The following RPGRIP1L variants were observed in gnomAD, a reference collection of about 807,000 sequenced individuals.
RPGRIP1L encodes the protein protein fantom.
RPGRIP1L carries 131 observed loss-of-function variants against 160.4 expected under a neutral mutation model. That is an observed-to-expected ratio of 0.82 (90% CI 0.71 to 0.94). The LOEUF is 0.94. Among genes scored for constraint, RPGRIP1L ranks in the 40% least tolerant of loss-of-function variants. The pLI, the probability that RPGRIP1L is intolerant of heterozygous loss-of-function variation, is 0.00. For synonymous variants in RPGRIP1L, 510 were observed against 515.8 expected, an observed-to-expected ratio of 0.99 and a Z score of 0.15; for missense variants, 1,522 against 1,535.8, an observed-to-expected ratio of 0.99 and a Z score of 0.15.
intron 22 of RPGRIP1L, chr16:53,635,345 T>A (rs1965776032): frequency 6.6e-6 from 1 of 152,114 alleles, no homozygotes; most frequent in Admixed American, 6.6e-5. Context: ...ATGATAAAAC[T>A]TTGGACAGAT....
chr16:53,681,960 C>G (rs992082233), intron 6 of RPGRIP1L, among the ~76,000 whole-genome samples: 1 of 152,092 alleles, frequency 6.6e-6, no homozygotes, highest in Non-Finnish European at 1.5e-5. Flanking sequence ...TGATTTTTCT[C>G]TACAGTAAAT....
intron 2 of RPGRIP1L, among the ~76,000 whole-genome samples, chr16:53,698,479 TC>T (rs1244632056): frequency 3.0e-5 from 4 of 134,602 alleles, no homozygotes; most frequent in African/African-American, 2.9e-5. Context: ...AGCCGCCCCG[TC>T]CAGGAGGGAG....
At chr16:53,659,148 T>C (rs1967544445) in intron 10 of RPGRIP1L, 3 of 830,574 alleles carry the variant, frequency 3.6e-6, no homozygotes, top group Non-Finnish European at 4.6e-6. Context: ...CCTCTGGGAC[T>C]TCAAAGGAAT....
intron 24 of RPGRIP1L, among the ~76,000 whole-genome samples, chr16:53,611,577 T>G (rs1217370057): frequency 2.0e-5 from 3 of 152,184 alleles, no homozygotes; most frequent in Admixed American, 1.3e-4. Context: ...GAGAGAAACG[T>G]GCAGGGAGAG....
intron 6 of RPGRIP1L, among the ~76,000 whole-genome samples, chr16:53,684,692 G>A (rs1969864509): frequency 2.6e-5 from 4 of 151,376 alleles, no homozygotes; most frequent in Admixed American, 2.6e-4. Flanking sequence ...TGTATACAAT[G>A]TAACAAACCT....
chr16:53,645,346 A>G (rs867606614), intron 17 of RPGRIP1L, among the ~76,000 whole-genome samples: 3 of 152,078 alleles, frequency 2.0e-5, no homozygotes, highest in Non-Finnish European at 4.4e-5. Context: ...GAATGAAATT[A>G]TATTAGATTT....
intron 7 of RPGRIP1L, 127 bp downstream of exon 7, chr16:53,674,890 C>A: frequency 1.5e-6 from 1 of 655,356 alleles, no homozygotes; most frequent in Non-Finnish European, 2.7e-6. Context: ...TTTGTGAATA[C>A]AAAGAACAAT....
Position 53,658,410 on chromosome 16 carries a change from T to C in RPGRIP1L, c.1401+4A>G, listed in dbSNP as rs727503880. 53 of 1,606,764 alleles carry C rather than the reference T, an allele frequency of 3.3e-5. No individual in the cohort carries two copies. The highest frequency in any genetic ancestry group is 4.4e-5 in the Non-Finnish European group (52 of 1,173,604). ...GAAAATCACGATGAAGTTCAGAACC[T>C]TACCTTTATAAGTAGGAGAGCTTCA... On this transcript the variant is annotated splice_donor_region_variant and intron_variant, in intron 12 of 26. Coordinates refer to ENST00000647211, the MANE Select transcript of RPGRIP1L (RefSeq NM_015272.5).
chr16:53,607,267 C>T (rs2150925378), intron 25 of RPGRIP1L, among the ~76,000 whole-genome samples: 1 of 152,298 alleles, frequency 6.6e-6, no homozygotes, highest in South Asian at 2.1e-4. Flanking sequence ...ACAGTAAGCA[C>T]TGAGTAAATG....
At chr16:53,611,535 C>T (rs940253291) in intron 24 of RPGRIP1L, among the ~76,000 whole-genome samples, 2 of 152,280 alleles carry the variant, frequency 1.3e-5, no homozygotes, top group African/African-American at 4.8e-5. Flanking sequence ...TGAGGAAATC[C>T]GCAGGCTGAC....
At chr16:53,609,508 G>C (rs1342303879) in intron 25 of RPGRIP1L, among the ~76,000 whole-genome samples, 1 of 125,020 alleles carries the variant, frequency 8.0e-6, no homozygotes, top group African/African-American at 3.9e-5. Flanking sequence ...AACACTTTTG[G>C]GGTAAAAAAA....
At chr16:53,609,720 C>T (rs1248861195) in intron 25 of RPGRIP1L, among the ~76,000 whole-genome samples, 1 of 152,048 alleles carries the variant, frequency 6.6e-6, no homozygotes. Context: ...TCACTCATGA[C>T]CTGGGATAAC....
chr16:53,683,677 G>C (rs1410556162), intron 6 of RPGRIP1L, among the ~76,000 whole-genome samples: 1 of 145,198 alleles, frequency 6.9e-6, no homozygotes, highest in African/African-American at 2.6e-5. Context: ...CTCTACTTTT[G>C]AGTACACTTA....
intron 19 of RPGRIP1L, among the ~76,000 whole-genome samples, chr16:53,640,248 G>A (rs1309025455): frequency 6.6e-6 from 1 of 152,080 alleles, no homozygotes; most frequent in Non-Finnish European, 1.5e-5. Flanking sequence ...TTTGGAAGAG[G>A]GTTGGTATAA....
intron 25 of RPGRIP1L, among the ~76,000 whole-genome samples, chr16:53,607,574 C>T (rs1963766101): frequency 2.6e-5 from 4 of 152,130 alleles, no homozygotes; most frequent in Admixed American, 1.3e-4. Context: ...AAGACTGAGG[C>T]TATGCAGACT....
chr16:53,628,090 T>A (rs977778833), intron 22 of RPGRIP1L, among the ~76,000 whole-genome samples: 1 of 151,962 alleles, frequency 6.6e-6, no homozygotes, highest in Non-Finnish European at 1.5e-5. Flanking sequence ...CTCCAGATAA[T>A]TATAAATTGG....
chr16:53,664,963 G>C lies in RPGRIP1L; in HGVS notation c.1150C>G (p.Gln384Glu), dbSNP rs1968112121. Residue 384 changes from glutamine to glutamate, a missense_variant, in exon 10 of 27, where the codon CAG becomes GAG. By Grantham distance (29) the Gln-to-Glu change is conservative. Coordinates refer to ENST00000647211, the MANE Select transcript of RPGRIP1L (RefSeq NM_015272.5). Reference sequence around the variant, plus strand: ...AGCTGAGCAATCTGCACTTTCAGCTGTTGCTCCTTTAACTTCCATTGCTCT... The same window carrying C: ...AGCTGAGCAATCTGCACTTTCAGCTCTTGCTCCTTTAACTTCCATTGCTCT... ...HEEQWKLKEQ[Q>E]LKVQIAQLET... is the part of the protein sequence containing the mutation. The C allele has an allele frequency of 2.5e-6, 4 of 1,613,464 alleles. No individual in the cohort carries two copies. Among genetic ancestry groups the C allele is most frequent in the Non-Finnish European group, 3.4e-6 (4 of 1,179,874 alleles).
intron 19 of RPGRIP1L, among the ~76,000 whole-genome samples, chr16:53,639,918 T>G (rs1462070730): frequency 6.6e-6 from 1 of 152,210 alleles, no homozygotes; most frequent in Non-Finnish European, 1.5e-5. Flanking sequence ...AATATTTTGA[T>G]GTGGGTGGTA....
intron 2 of RPGRIP1L, 136 bp from the exon 3 acceptor site, chr16:53,696,431 ATGT>A: frequency 2.4e-6 from 2 of 827,438 alleles, no homozygotes; most frequent in Non-Finnish European, 4.0e-6. Flanking sequence ...GCTTTAGAAA[ATGT>A]TGTACCATTG....
Sources: gnomAD v4.1 joint callset for allele counts (sites outside exome capture counted in the v4.1 genomes callset) on GRCh38, gnomAD v4.1.1 for gene constraint, MANE v1.5 for transcripts, NCBI Gene and HGNC (gene_info 2026-07-23, HGNC 2026-07-21) for gene names.